FAM227B: variants seen among roughly 807,000 people sequenced by gnomAD.
FAM227B encodes family with sequence similarity 227 member B.
A neutral mutation model predicts 73.8 loss-of-function variants in FAM227B; 88 were observed. The ratio of observed to expected loss-of-function variants is 1.19; its 90% CI spans 1.00 to 1.42. FAM227B has a LOEUF of 1.42. Ranked by LOEUF, FAM227B falls within the 40% of genes most tolerant of loss-of-function variation. The pLI is 0.00. For synonymous variants in FAM227B, 210 were observed against 190.5 expected, an observed-to-expected ratio of 1.10 and a Z score of -0.84; for missense variants, 632 against 590.9, an observed-to-expected ratio of 1.07 and a Z score of -0.72.
intron 9 of FAM227B, among the ~76,000 whole-genome samples, chr15:49,547,789 T>C (rs1260982362): frequency 2.6e-5 from 4 of 152,202 alleles, no homozygotes; most frequent in East Asian, 1.9e-4. Flanking sequence ...CCTAAACTTA[T>C]ATGCATCTAA....
intron 3 of FAM227B, among the ~76,000 whole-genome samples, chr15:49,594,585 T>G (rs986550995): frequency 6.6e-6 from 1 of 152,208 alleles, no homozygotes; most frequent in Non-Finnish European, 1.5e-5. Flanking sequence ...TGATCCATCT[T>G]GATTTGGTTA....
chr15:49,599,267 T>C (rs1157290654), intron 3 of FAM227B, among the ~76,000 whole-genome samples: 1 of 152,132 alleles, frequency 6.6e-6, no homozygotes, highest in Non-Finnish European at 1.5e-5. Context: ...TATTTATATT[T>C]CTGTGGTATC....
chr15:49,442,635 C>G (rs1025125374), intron 11 of FAM227B, among the ~76,000 whole-genome samples: 25 of 151,642 alleles, frequency 1.6e-4, no homozygotes, highest in African/African-American at 5.6e-4. Flanking sequence ...TAGTTACTCA[C>G]TAATTACATG....
At chr15:49,377,244 C>A (rs1057457707) in intron 11 of FAM227B, among the ~76,000 whole-genome samples, 3 of 152,034 alleles carry the variant, frequency 2.0e-5, no homozygotes, top group Admixed American at 6.6e-5. Flanking sequence ...TATATGTACA[C>A]ATTTTCTTAT....
At chr15:49,533,136 A>ATTTC (rs1024293250) in intron 10 of FAM227B, among the ~76,000 whole-genome samples, 3 of 151,328 alleles carry the variant, frequency 2.0e-5, no homozygotes, top group Non-Finnish European at 3.0e-5. Context: ...TTTCCTTTTG[A>ATTTC]TTTCTTTCTT....
At chr15:49,404,121 C>T (rs1214685069) in intron 11 of FAM227B, among the ~76,000 whole-genome samples, 3 of 152,056 alleles carry the variant, frequency 2.0e-5, no homozygotes, top group South Asian at 2.1e-4. Context: ...GTGTGTGGTC[C>T]AAGAGACTGG....
chr15:49,540,854 T>C (rs1450482829), intron 10 of FAM227B, among the ~76,000 whole-genome samples: 1 of 152,178 alleles, frequency 6.6e-6, no homozygotes, highest in African/African-American at 2.4e-5. Context: ...ATTAATTTGA[T>C]TTTTTATATA....
intron 10 of FAM227B, among the ~76,000 whole-genome samples, chr15:49,533,714 T>C (rs1218543494): frequency 6.6e-6 from 1 of 151,856 alleles, no homozygotes; most frequent in Non-Finnish European, 1.5e-5. Context: ...TTATTATCAT[T>C]TGCATGGATT....
chr15:49,536,948 C>T (rs57421305), intron 10 of FAM227B, among the ~76,000 whole-genome samples: 49,789 of 151,804 alleles, frequency 0.33, 8,944 homozygotes, highest in African/African-American at 0.46. Context: ...ATGTAAGACA[C>T]AAAGTCATAA....
At chr15:49,498,136 A>C (rs1189955812) in intron 11 of FAM227B, among the ~76,000 whole-genome samples, 1 of 152,230 alleles carries the variant, frequency 6.6e-6, no homozygotes, top group Non-Finnish European at 1.5e-5. Context: ...TACAATGATA[A>C]TTTTAAGCCT....
chr15:49,480,176 T>C (rs1299169988), intron 11 of FAM227B, among the ~76,000 whole-genome samples: 2 of 152,246 alleles, frequency 1.3e-5, no homozygotes, highest in East Asian at 1.9e-4. Flanking sequence ...TTTTTAAATA[T>C]GTCAAGCAAT....
At position 49,329,611 on chromosome 15, in the gene FAM227B, T is replaced by G. The variant is rs1200829599; in HGVS notation, c.1420-936A>C. 10 of 984,762 alleles carry G rather than the reference T, an allele frequency of 1.0e-5. 1 individual carries two copies. In the Middle Eastern group the frequency reaches 1.5e-3, roughly 153 times the overall value. 61.0% of individuals were successfully genotyped at this position (984,762 alleles called of 1,614,324 possible). On this transcript the variant is annotated intron_variant, in intron 15 of 15. Coordinates refer to ENST00000299338, the MANE Select transcript of FAM227B (RefSeq NM_152647.3). ...TTTAAAAATAAACTTCTGATGCATT[T>G]TCATTCTTAGCAGAAAGGTAAATGC...
intron 10 of FAM227B, among the ~76,000 whole-genome samples, chr15:49,540,677 G>A (rs1411861469): frequency 2.0e-5 from 3 of 152,174 alleles, no homozygotes; most frequent in Non-Finnish European, 4.4e-5. Flanking sequence ...CAGTCACATT[G>A]TGAGGTGTAG....
At chr15:49,410,878 A>C (rs1017753701) in intron 11 of FAM227B, among the ~76,000 whole-genome samples, 5 of 151,944 alleles carry the variant, frequency 3.3e-5, no homozygotes, top group African/African-American at 1.2e-4. Flanking sequence ...AAAAATGATA[A>C]ACAAGTAGAA....
At chr15:49,393,981 A>T (rs1178785992) in intron 11 of FAM227B, among the ~76,000 whole-genome samples, 3 of 152,298 alleles carry the variant, frequency 2.0e-5, no homozygotes, top group African/African-American at 7.2e-5. Flanking sequence ...TTAAATGTCA[A>T]ACAGCATAAG....
At chr15:49,395,153 AT>A (rs2047487325) in intron 11 of FAM227B, among the ~76,000 whole-genome samples, 1 of 152,166 alleles carries the variant, frequency 6.6e-6, no homozygotes, top group Non-Finnish European at 1.5e-5. Flanking sequence ...ATTTTAATTT[AT>A]TCTATATGAA....
At chr15:49,486,455 T>A (rs2056409880) in intron 11 of FAM227B, 1 of 152,018 alleles carries the variant, frequency 6.6e-6, no homozygotes, top group African/African-American at 2.4e-5. Flanking sequence ...GTTTTTCATA[T>A]GTGTTTCCTT....
chr15:49,569,508 G>A (rs185136719), intron 8 of FAM227B, among the ~76,000 whole-genome samples: 183 of 151,842 alleles, frequency 1.2e-3, no homozygotes, highest in South Asian at 5.8e-3. Context: ...TATTTTGAAC[G>A]TATAAATCAT....
chr15:49,371,175 AAATTC>A, intron 12 of FAM227B, 122 bp downstream of exon 12: 1 of 478,472 alleles, frequency 2.1e-6, no homozygotes, highest in Non-Finnish European at 3.8e-6. Context: ...TTTGACCATT[AAATTC>A]TTTTCCAAAA....
Sources: gnomAD v4.1 joint callset for allele counts (sites outside exome capture counted in the v4.1 genomes callset) on GRCh38, gnomAD v4.1.1 for gene constraint, MANE v1.5 for transcripts, NCBI Gene and HGNC (gene_info 2026-07-23, HGNC 2026-07-21) for gene names.